INVS: variants seen among roughly 807,000 people sequenced by gnomAD.
INVS encodes the protein inversin.
In INVS, 86 loss-of-function variants were observed where a neutral mutation model predicts 108.8. The ratio of observed to expected loss-of-function variants is 0.79; its 90% CI spans 0.66 to 0.95. The LOEUF (loss-of-function observed/expected upper bound fraction) is 0.95. Ranked by LOEUF, INVS falls within the 40% of genes least tolerant of loss-of-function variation. The pLI is 0.00. For missense variants in INVS, 1,169 were observed against 1,297.4 expected, an observed-to-expected ratio of 0.90 and a Z score of 1.52; for synonymous variants, 455 against 473.5, an observed-to-expected ratio of 0.96 and a Z score of 0.51.
chr9:100,150,131 C>T (rs1828761581), intron 3 of INVS, among the ~76,000 whole-genome samples: 1 of 152,148 alleles, frequency 6.6e-6, no homozygotes, highest in South Asian at 2.1e-4. Context: ...AGGATTTGAA[C>T]CCAAAGCTTC....
At position 100,296,985 on chromosome 9, in the gene INVS, G is replaced by C; in HGVS notation, c.2855G>C (p.Arg952Thr). ...MKQLGAGDVDRWRQESTALLL... is the reference protein window; with the variant it reads ...MKQLGAGDVDTWRQESTALLL... ...CAGCTTGGAGCTGGAGATGTGGACA[G>C]ATGGAGGCAAGAGTCTACAGCATTG... is the stretch of plus-strand genomic sequence containing the variant. The change falls in exon 15 of 17, where the codon AGA becomes ACA. Residue 952 changes from arginine (R) to threonine (T), a missense_variant. Coordinates refer to ENST00000262457, the MANE Select transcript of INVS (RefSeq NM_014425.5). The C allele has an allele frequency of 6.2e-7, 1 of 1,614,146 alleles. No individual in the cohort carries two copies. The highest frequency in any genetic ancestry group is 8.5e-7 in the Non-Finnish European group (1 of 1,180,012).
chr9:100,291,305 C>T (rs1833607528), intron 13 of INVS, among the ~76,000 whole-genome samples: 2 of 152,098 alleles, frequency 1.3e-5, no homozygotes, highest in African/African-American at 2.4e-5. Context: ...CTCATGATTC[C>T]TGCCTCGGCC....
chr9:100,115,531 A>C (rs1252730599), intron 2 of INVS, among the ~76,000 whole-genome samples: 1 of 151,340 alleles, frequency 6.6e-6, no homozygotes, highest in Non-Finnish European at 1.5e-5. Flanking sequence ...TTCAGTTCCC[A>C]CCTATGAGTG....
chr9:100,225,165 C>T (rs1274990070), intron 3 of INVS, among the ~76,000 whole-genome samples: 1 of 150,870 alleles, frequency 6.6e-6, no homozygotes, highest in Non-Finnish European at 1.5e-5. Flanking sequence ...TCACGCCATT[C>T]TGCTGCCTCA....
intron 3 of INVS, among the ~76,000 whole-genome samples, chr9:100,187,659 T>C (rs1830095310): frequency 6.6e-6 from 1 of 151,722 alleles, no homozygotes; most frequent in Non-Finnish European, 1.5e-5. Context: ...CCTGAGTAGC[T>C]GGGATTACAG....
At chr9:100,239,166 T>C in intron 5 of INVS, among the ~76,000 whole-genome samples, 1 of 152,196 alleles carries the variant, frequency 6.6e-6, no homozygotes, top group East Asian at 1.9e-4. Context: ...ACACATGTGC[T>C]ACAAGGGATA....
intron 3 of INVS, among the ~76,000 whole-genome samples, chr9:100,161,349 G>A (rs1226838243): frequency 2.1e-5 from 2 of 97,134 alleles, no homozygotes; most frequent in Non-Finnish European, 3.5e-5. Flanking sequence ...GGACGACAGA[G>A]CAAGACTTCC....
At chr9:100,298,499 T>A (rs1833856844) in intron 16 of INVS, among the ~76,000 whole-genome samples, 1 of 151,982 alleles carries the variant, frequency 6.6e-6, no homozygotes, top group Non-Finnish European at 1.5e-5. Context: ...GACAAGAGTG[T>A]TTTACTTAGG....
At chr9:100,196,022 C>T (rs781421472) in intron 3 of INVS, among the ~76,000 whole-genome samples, 1 of 152,110 alleles carries the variant, frequency 6.6e-6, no homozygotes, top group East Asian at 1.9e-4. Flanking sequence ...TTATCTTCTT[C>T]TATTATTTAT....
At chr9:100,139,424 G>A (rs576046306) in intron 3 of INVS, among the ~76,000 whole-genome samples, 53 of 151,832 alleles carry the variant, frequency 3.5e-4, no homozygotes, top group Middle Eastern at 3.4e-3. Flanking sequence ...TATAAGTTTC[G>A]GCTATTTTCC....
intron 3 of INVS, among the ~76,000 whole-genome samples, chr9:100,188,215 T>C (rs1830111318): frequency 6.6e-6 from 1 of 152,204 alleles, no homozygotes; most frequent in African/African-American, 2.4e-5. Context: ...AGTACTATGC[T>C]GAATAGAAAT....
intron 3 of INVS, among the ~76,000 whole-genome samples, chr9:100,127,919 A>C (rs991616087): frequency 1.3e-5 from 2 of 152,188 alleles, no homozygotes; most frequent in Admixed American, 1.3e-4. Context: ...TTAACTTGTT[A>C]TCATAAAAAA....
At chr9:100,226,738 G>A (rs980112584) in intron 4 of INVS, among the ~76,000 whole-genome samples, 1 of 150,512 alleles carries the variant, frequency 6.6e-6, no homozygotes, top group Non-Finnish European at 1.5e-5. Flanking sequence ...GCTTGAAACT[G>A]GGAGGCAGAG....
At chr9:100,235,676 G>A (rs897533004) in intron 5 of INVS, among the ~76,000 whole-genome samples, 3 of 152,190 alleles carry the variant, frequency 2.0e-5, no homozygotes, top group Admixed American at 2.0e-4. Context: ...TTTTCTTTAA[G>A]AATGTTGAAT....
Position 100,292,590 on chromosome 9 carries a change from G to T in INVS, c.2333G>T (p.Arg778Met). The T allele has an allele frequency of 6.2e-7, 1 of 1,614,190 alleles. No individual in the cohort carries two copies. Among genetic ancestry groups the T allele is most frequent in the Non-Finnish European group, 8.5e-7 (1 of 1,180,038 alleles). ...CACGATAGCCACTGGAAGCCCAGCA[G>T]GCGGCATGACACAGAACCCAAGGCC... is the stretch of plus-strand genomic sequence containing the variant. ...PPHDSHWKPS[R>M]RHDTEPKAKC... Residue 778 changes from arginine to methionine, a missense_variant, in exon 14 of 17, where the codon AGG (arginine) becomes ATG (methionine). Around this residue, in one of 3 missense-constraint regions of INVS, gnomAD observed 533 missense variants for 536.0 expected, o/e 0.99. Transcript: ENST00000262457.
intron 3 of INVS, among the ~76,000 whole-genome samples, chr9:100,176,678 A>T (rs1829721923): frequency 6.6e-6 from 1 of 151,792 alleles, no homozygotes; most frequent in African/African-American, 2.4e-5. Context: ...GGGTTTCACT[A>T]TGTTGGCCAG....
intron 3 of INVS, among the ~76,000 whole-genome samples, chr9:100,221,610 A>C (rs1244506790): frequency 7.2e-6 from 1 of 139,816 alleles, no homozygotes; most frequent in Non-Finnish European, 1.5e-5. Context: ...GGTACCTGCT[A>C]AATTCCTATT....
intron 3 of INVS, among the ~76,000 whole-genome samples, chr9:100,171,493 A>G (rs1455884076): frequency 1.3e-5 from 2 of 152,176 alleles, no homozygotes; most frequent in East Asian, 3.9e-4. Context: ...ACATATGACT[A>G]TAGCTCAATA....
At chr9:100,200,375 T>G (rs1245707473) in intron 3 of INVS, among the ~76,000 whole-genome samples, 1 of 152,236 alleles carries the variant, frequency 6.6e-6, no homozygotes, top group Admixed American at 6.5e-5. Flanking sequence ...ATACTCAGAA[T>G]TGTGGATGAT....
Sources: gnomAD v4.1 joint callset for allele counts (sites outside exome capture counted in the v4.1 genomes callset) on GRCh38, gnomAD v4.1.1 for gene constraint, gnomAD v4.1.1 regional missense constraint, MANE v1.5 for transcripts, NCBI Gene and HGNC (gene_info 2026-07-23, HGNC 2026-07-21) for gene names.